The following NAPG variants were observed in gnomAD, a reference collection of about 807,000 sequenced individuals.
NAPG encodes NSF attachment protein gamma.
A neutral mutation model predicts 48.4 loss-of-function variants in NAPG; 25 were observed. The ratio of observed to expected loss-of-function variants is 0.52; its 90% confidence interval spans 0.38 to 0.72. The LOEUF (loss-of-function observed/expected upper bound fraction) is 0.72, where lower values mean the gene tolerates loss of function less well. Ranked by LOEUF, NAPG falls within the 30% of genes least tolerant of loss-of-function variation. NAPG has a pLI of 0.00. For missense variants in NAPG, 359 were observed against 372.5 expected (o/e 0.96, Z 0.30); for synonymous variants, 139 against 127.2 (o/e 1.09, Z -0.62).
chr18:10,548,522 C>A lies in NAPG; in HGVS notation c.665+144C>A. 1.6e-6 allele frequency: 1 copy of A among 623,156 alleles called. No homozygotes were observed. Among genetic ancestry groups the A allele is most frequent in the Non-Finnish European group, 2.7e-6 (1 of 374,716 alleles). 38.6% of individuals were successfully genotyped at this position (623,156 alleles called of 1,614,324 possible). Reference sequence around the variant, plus strand: ...TGCTCATCTACCATTTCATCTTTTACAGTGGGTGTTTTACACCTTTTTTTT... The same window carrying A: ...TGCTCATCTACCATTTCATCTTTTAAAGTGGGTGTTTTACACCTTTTTTTT... On this transcript the variant is annotated intron_variant, in intron 10 of 11. Transcript: ENST00000322897. This position sits in a 1 kb window ranked among gnomAD's most constrained non-coding sequence, Gnocchi z 4.4.
chr18:10,534,430 T>TA lies in NAPG; in HGVS notation c.228-34dup, dbSNP rs2031991484. On this transcript the variant is annotated intron_variant, in intron 4 of 11. Transcript: ENST00000322897. This position sits in a 1 kb window ranked among gnomAD's most constrained non-coding sequence, Gnocchi z 5.0. ...AAGTTTCTTCTACCCCTTATTTCGTTAAGATCTCATCAGAGAAATTATATT... is the reference window on the plus strand; with the variant it reads ...AAGTTTCTTCTACCCCTTATTTCGTTAAAGATCTCATCAGAGAAATTATATT... 6 of 1,608,066 alleles carry TA rather than the reference T, an allele frequency of 3.7e-6. No homozygotes were observed. In the South Asian group the frequency reaches 5.5e-5, roughly 15 times the overall value.
In NAPG at chr18:10,539,779, A is replaced by G. The variant is rs933827323; in HGVS notation, c.276A>G (p.Pro92=). The G allele has an allele frequency of 6.2e-7, 1 of 1,614,016 alleles. No homozygotes were observed. The highest frequency in any genetic ancestry group is 1.1e-5 in the South Asian group (1 of 91,084). Residue 92 remains proline, a synonymous_variant, in exon 6 of 12, where the codon CCA becomes CCG. Transcript: ENST00000322897. This position sits in a 1 kb window ranked among gnomAD's most constrained non-coding sequence, Gnocchi z 4.7. ...GMMLKEMQKL[P]EAVQLIEKAS... is the part of the protein sequence containing the mutation. ...GCCCAAAGGAGATGCAGAAACTACC[A>G]GAGGCCGTTCAGCTAATTGAGAAGG...
At chr18:10,530,440 C>T (rs1464307666) in intron 1 of NAPG, among the ~76,000 whole-genome samples, 1 of 151,798 alleles carries the variant, frequency 6.6e-6, no homozygotes, top group African/African-American at 2.4e-5. Context: ...CCTTTGAGCT[C>T]GTTAAACCTC....
rs1177095538 is a variant in NAPG, at chr18:10,551,038, G to T, written c.*818G>T. 6.6e-6 allele frequency: 1 copy of T among 151,394 alleles called. No individual in the cohort carries two copies. Among genetic ancestry groups the T allele is most frequent in the Non-Finnish European group, 1.5e-5 (1 of 67,912 alleles). 9.4% of individuals were successfully genotyped at this position (151,394 alleles called of 1,614,324 possible). ...TTTAAGGGTCTCACTCTTTTGCCCA[G>T]GCTGGAGTGCAGTGGCACAATCACG... is the stretch of plus-strand genomic sequence containing the variant. On this transcript the variant is annotated 3_prime_UTR_variant, in exon 12 of 12. Transcript: ENST00000322897.
intron 2 of NAPG, among the ~76,000 whole-genome samples, chr18:10,531,851 CT>C (rs1028931168): frequency 1.3e-5 from 2 of 152,156 alleles, no homozygotes; most frequent in Non-Finnish European, 2.9e-5. Context: ...AATTTTCCCC[CT>C]GAAGCATCCT....
rs1450094121 is a variant in NAPG at position 10,526,044 on chromosome 18, T to G, written c.-59T>G. On this transcript the variant is annotated 5_prime_UTR_variant, in exon 1 of 12. Coordinates refer to ENST00000322897, the MANE Select transcript of NAPG (RefSeq NM_003826.3). Reference sequence around the variant, plus strand: ...TCCCACGCCTATTTGGGCGGATTCTTGGCGCCGGAGGAAGAGGCAGGGTCA... The same window carrying G: ...TCCCACGCCTATTTGGGCGGATTCTGGGCGCCGGAGGAAGAGGCAGGGTCA... The G allele has an allele frequency of 1.3e-6, 2 of 1,544,094 alleles. No homozygotes were observed. The highest frequency in any genetic ancestry group is 4.5e-5 in the East Asian group (2 of 44,514).
chr18:10,540,292 A>G (rs770833199), intron 7 of NAPG, 37 bp from the exon 8 acceptor site: 1 of 1,563,622 alleles, frequency 6.4e-7, no homozygotes, highest in Non-Finnish European at 8.8e-7. Context: ...TTTCAACATT[A>G]AAGCAGCCAA....
At chr18:10,535,630 G>A (rs554373586) in intron 5 of NAPG, among the ~76,000 whole-genome samples, 3 of 152,036 alleles carry the variant, frequency 2.0e-5, no homozygotes, top group South Asian at 2.1e-4. Context: ...GCATGGTGGC[G>A]GGCGCCTGTA....
At chr18:10,533,316 T>C (rs1268310047) in intron 3 of NAPG, 2 of 421,960 alleles carry the variant, frequency 4.7e-6, no homozygotes, top group Non-Finnish European at 4.2e-6. Flanking sequence ...ATAGAAATAG[T>C]TTAAAATCTG....
At chr18:10,536,810 CATT>C (rs2032042397) in intron 5 of NAPG, among the ~76,000 whole-genome samples, 1 of 152,016 alleles carries the variant, frequency 6.6e-6, no homozygotes, top group Non-Finnish European at 1.5e-5. Context: ...TGTAGATTCA[CATT>C]ATATATGTAA....
At chr18:10,545,572 G>A (rs770601656) in intron 8 of NAPG, among the ~76,000 whole-genome samples, 4 of 152,268 alleles carry the variant, frequency 2.6e-5, no homozygotes, top group South Asian at 2.1e-4. Context: ...ACTACTGAGG[G>A]AGTCCTGGCA....
chr18:10,540,811 T>C (rs1478501136), intron 8 of NAPG: 1 of 154,734 alleles, frequency 6.5e-6, no homozygotes, highest in African/African-American at 2.4e-5. Flanking sequence ...TATTAGAATA[T>C]TTACCTTGTT....
At position 10,544,880 on chromosome 18, in the gene NAPG, T is replaced by C. The variant is rs180943873; in HGVS notation, c.507-1446T>C. Among the ~76,000 whole-genome samples, 80 of 152,358 alleles carry C rather than the reference T, an allele frequency of 5.3e-4. No individual in the cohort carries two copies. The highest frequency in any genetic ancestry group is 9.4e-4 in the Non-Finnish European group (64 of 68,028). On this transcript the variant is annotated intron_variant, in intron 8 of 11. Transcript: ENST00000322897. The surrounding 1 kb of genome is among the most constrained non-coding windows in gnomAD (Gnocchi z 5.1). ...CATTTCTCCTATGAGTGTCATTTTATAAGGCACTAAGTTGCCAGCGTGCAT... is the reference window on the plus strand; with the variant it reads ...CATTTCTCCTATGAGTGTCATTTTACAAGGCACTAAGTTGCCAGCGTGCAT...
rs1598409966 is a variant in NAPG, at chr18:10,534,900, T to C, written c.258+404T>C. The stretch of plus-strand genomic sequence containing the variant: ...GATTTTTACTTATGTGAATAACAGT[T>C]GGCAGCAGAAACAACCACAGATTTA... On this transcript the variant is annotated intron_variant, in intron 5 of 11. Coordinates refer to ENST00000322897, the MANE Select transcript of NAPG (RefSeq NM_003826.3). The surrounding 1 kb of genome is among the most constrained non-coding windows in gnomAD (Gnocchi z 5.0). 6.6e-6 allele frequency among the ~76,000 whole-genome samples: 1 copy of C among 152,356 alleles called. No homozygotes were observed. Among genetic ancestry groups the C allele is most frequent in the Middle Eastern group, 3.4e-3 (1 of 294 alleles).
chr18:10,546,390 C>G lies in NAPG; in HGVS notation c.571C>G (p.Pro191Ala). ...KNIYKEIENY[P>A]TCYKKTIAQV... ...TATTTATAAGGAAATTGAGAATTATCCAACTTGTTATAAGGTATTCTTTGA... is the reference window on the plus strand; with the variant it reads ...TATTTATAAGGAAATTGAGAATTATGCAACTTGTTATAAGGTATTCTTTGA... Residue 191 changes from proline to alanine, a missense_variant, in exon 9 of 12, where the codon CCA becomes GCA. Coordinates refer to ENST00000322897, the MANE Select transcript of NAPG (RefSeq NM_003826.3). This position sits in a 1 kb window ranked among gnomAD's most constrained non-coding sequence, Gnocchi z 4.0. The G allele has an allele frequency of 6.4e-7, 1 of 1,552,534 alleles. No homozygotes were observed. Among genetic ancestry groups the G allele is most frequent in the South Asian group, 1.2e-5 (1 of 84,832 alleles).
rs1442451291 is a variant in NAPG, at chr18:10,551,178, C to G, written c.*958C>G. On this transcript the variant is annotated 3_prime_UTR_variant, in exon 12 of 12. Coordinates refer to ENST00000322897, the MANE Select transcript of NAPG (RefSeq NM_003826.3). ...TCTCAAACTCCTAAGCTCAAGCCAT[C>G]TGCCTGCCTTGGCCTCCCAAAGTGC... 1 of 151,988 alleles carries G rather than the reference C, an allele frequency of 6.6e-6. No homozygotes were observed. The highest frequency in any genetic ancestry group is 1.9e-4 in the East Asian group (1 of 5,190). 9.4% of individuals were successfully genotyped at this position (151,988 alleles called of 1,614,324 possible).
At chr18:10,540,991 T>C (rs1195301080) in intron 8 of NAPG, among the ~76,000 whole-genome samples, 1 of 152,174 alleles carries the variant, frequency 6.6e-6, no homozygotes, top group African/African-American at 2.4e-5. Flanking sequence ...CTCTAGGAGA[T>C]TGTAAGTCTG....
intron 5 of NAPG, among the ~76,000 whole-genome samples, chr18:10,538,167 A>T (rs1461587787): frequency 2.0e-5 from 3 of 151,968 alleles, no homozygotes; most frequent in African/African-American, 7.3e-5. Flanking sequence ...GATTAATAGT[A>T]AGATACAGAA....
intron 11 of NAPG, 139 bp from the exon 12 acceptor site, chr18:10,549,938 T>C: frequency 1.3e-6 from 1 of 780,974 alleles, no homozygotes; most frequent in Non-Finnish European, 1.8e-6. Context: ...AGCAGCATTG[T>C]TGGGCTTTGT....
Sources: gnomAD v4.1 joint callset for allele counts (sites outside exome capture counted in the v4.1 genomes callset) on GRCh38, gnomAD v4.1.1 for gene constraint, Gnocchi (gnomAD v3.1) non-coding constraint, MANE v1.5 for transcripts, NCBI Gene and HGNC (gene_info 2026-07-23, HGNC 2026-07-21) for gene names.